Variants in EBF3 observed in about 807,000 individuals in gnomAD.
The protein encoded by EBF3 is EBF transcription factor 3.
Under a neutral mutation model 77.1 loss-of-function variants are expected in EBF3, and 18 were observed. That is an observed-to-expected ratio of 0.23 (90% CI 0.16 to 0.35). The LOEUF (loss-of-function observed/expected upper bound fraction) is 0.35, where lower values mean the gene tolerates loss of function less well. Ranked by LOEUF, EBF3 falls within the 10% of genes least tolerant of loss-of-function variation. The probability of loss-of-function intolerance (pLI) is 1.00; values close to 1 mark genes in which losing one functional copy is unlikely to be tolerated. For missense variants in EBF3, 558 were observed against 860.0 expected, an observed-to-expected ratio of 0.65 and a Z score of 4.39; for synonymous variants, 350 against 343.5, an observed-to-expected ratio of 1.02 and a Z score of -0.21.
chr10:129,901,840 G>A (rs1029357621), intron 6 of EBF3, among the ~76,000 whole-genome samples: 12 of 152,192 alleles, frequency 7.9e-5, no homozygotes, highest in Non-Finnish European at 2.9e-5. Context: ...CGCACAGTTG[G>A]GGACCCTTGA....
rs1181990906 is a variant in EBF3, at chr10:129,841,459, GGTT to G, written c.1373-430_1373-428del. Among the ~76,000 whole-genome samples the G allele has an allele frequency of 6.6e-6, 1 of 152,146 alleles. No homozygotes were observed. Among genetic ancestry groups the G allele is most frequent in the Non-Finnish European group, 1.5e-5 (1 of 68,038 alleles). ...GCTGTTTGGGGGTCTTCATTTGTAT[GGTT>G]GTTATTTCTATACATGGGGGCGTTC... On this transcript the variant is annotated intron_variant, in intron 13 of 16. Coordinates refer to ENST00000440978, the MANE Select transcript of EBF3 (RefSeq NM_001375380.1). The surrounding 1 kb of genome is among the most constrained non-coding windows in gnomAD (Gnocchi z 4.6).
intron 6 of EBF3, among the ~76,000 whole-genome samples, chr10:129,878,061 C>T (rs1852920162): frequency 6.6e-6 from 1 of 152,032 alleles, no homozygotes; most frequent in African/African-American, 2.4e-5. Flanking sequence ...GTTGCATTTG[C>T]CTTGACGCTG....
intron 6 of EBF3, among the ~76,000 whole-genome samples, chr10:129,925,606 AAG>A (rs930719843): frequency 1.3e-5 from 2 of 151,214 alleles, no homozygotes; most frequent in African/African-American, 4.9e-5. Context: ...AAAAAAAAAA[AAG>A]AAAGAAAGAA....
intron 7 of EBF3, among the ~76,000 whole-genome samples, chr10:129,876,510 C>T (rs925607601): frequency 1.3e-5 from 2 of 152,232 alleles, no homozygotes; most frequent in African/African-American, 4.8e-5. Flanking sequence ...TGTGGGCGGG[C>T]CCAAAGAGCC....
At position 129,837,323 on chromosome 10, in the gene EBF3, A is replaced by G. The variant is rs983535106; in HGVS notation, c.*620T>C. On this transcript the variant is annotated 3_prime_UTR_variant, in exon 17 of 17. Transcript: ENST00000440978. ...ACAATTTCTAACTACAATAAGTTAC[A>G]AAGTTTCATTTCATGAAGATGAAGT... 2 of 152,694 alleles carry G rather than the reference A, an allele frequency of 1.3e-5. No homozygotes were observed. Among genetic ancestry groups the G allele is most frequent in the African/African-American group, 4.8e-5 (2 of 41,464 alleles). 9.5% of individuals were successfully genotyped at this position (152,694 alleles called of 1,614,324 possible).
chr10:129,876,594 A>T (rs948863484), intron 7 of EBF3, among the ~76,000 whole-genome samples: 2 of 152,232 alleles, frequency 1.3e-5, no homozygotes, highest in African/African-American at 4.8e-5. Flanking sequence ...CTGAGGCATA[A>T]GTTAAATTTC....
At chr10:129,894,797 G>T (rs919945315) in intron 6 of EBF3, among the ~76,000 whole-genome samples, 5 of 152,210 alleles carry the variant, frequency 3.3e-5, no homozygotes, top group African/African-American at 1.2e-4. Context: ...CAATATCTCA[G>T]CTTCCTCTGA....
At chr10:129,924,340 G>A (rs1049968678) in intron 6 of EBF3, among the ~76,000 whole-genome samples, 3 of 151,716 alleles carry the variant, frequency 2.0e-5, no homozygotes, top group Admixed American at 6.6e-5. Flanking sequence ...ACTTGAACCC[G>A]GGAAGTGGAG....
intron 6 of EBF3, among the ~76,000 whole-genome samples, chr10:129,887,911 T>G (rs1174811222): frequency 6.6e-6 from 1 of 152,176 alleles, no homozygotes; most frequent in Non-Finnish European, 1.5e-5. Context: ...TCCTCATAGA[T>G]GCTCAGTCCC....
intron 10 of EBF3, among the ~76,000 whole-genome samples, chr10:129,855,930 C>T (rs755874991): frequency 1.3e-5 from 2 of 152,180 alleles, no homozygotes; most frequent in African/African-American, 4.8e-5. Flanking sequence ...CAGAGGTAAA[C>T]AGAAAAAGGA....
chr10:129,858,079 C>A (rs942571972), intron 10 of EBF3, among the ~76,000 whole-genome samples: 2 of 152,206 alleles, frequency 1.3e-5, no homozygotes, highest in African/African-American at 4.8e-5. Flanking sequence ...GGCTCGGGCA[C>A]GTGGCAGGTG....
rs146788460 is a variant in EBF3, at chr10:129,865,134, G to A, written c.1039+2007C>T. On this transcript the variant is annotated intron_variant, in intron 10 of 16. Coordinates refer to ENST00000440978, the MANE Select transcript of EBF3 (RefSeq NM_001375380.1). ...GTACACATACCAACAGTTTGCACAGGAGGCATGTGGAAATGTGCACCGTGT... is the reference window on the plus strand; with the variant it reads ...GTACACATACCAACAGTTTGCACAGAAGGCATGTGGAAATGTGCACCGTGT... Among the ~76,000 whole-genome samples the A allele has an allele frequency of 1.8e-3, 276 of 152,306 alleles. 5 individuals are homozygous for A. In the East Asian group the frequency reaches 0.049, roughly 27 times the overall value.
chr10:129,840,551 C>T (rs921032676), intron 14 of EBF3, 109 bp from the exon 15 acceptor site: 8 of 1,267,992 alleles, frequency 6.3e-6, no homozygotes, highest in African/African-American at 4.5e-5. Context: ...GAAAACAAAA[C>T]ATGACATGCG....
At chr10:129,933,490 G>A (rs1302248140) in intron 6 of EBF3, among the ~76,000 whole-genome samples, 1 of 152,206 alleles carries the variant, frequency 6.6e-6, no homozygotes, top group Non-Finnish European at 1.5e-5. Context: ...CATTCGATTA[G>A]AGCTAAAGTG....
chr10:129,955,864 G>T (rs1041259682), intron 6 of EBF3, among the ~76,000 whole-genome samples: 13 of 152,170 alleles, frequency 8.5e-5, no homozygotes, highest in Non-Finnish European at 4.4e-5. Flanking sequence ...AAGCAACTTA[G>T]ACAAGACTCC....
At chr10:129,924,446 C>CAAAAA (rs1433963607) in intron 6 of EBF3, among the ~76,000 whole-genome samples, 1 of 123,398 alleles carries the variant, frequency 8.1e-6, no homozygotes, top group African/African-American at 3.1e-5. Context: ...AAAAAAAAAA[C>CAAAAA]AAAAAACAAA....
intron 6 of EBF3, among the ~76,000 whole-genome samples, chr10:129,937,104 A>G (rs1384707337): frequency 3.3e-5 from 5 of 152,190 alleles, no homozygotes; most frequent in Admixed American, 3.3e-4. Context: ...GAGAATCCCC[A>G]AAAGCTGGAC....
Position 129,924,984 on chromosome 10 carries a change from G to A in EBF3, c.554+32274C>T, listed in dbSNP as rs930399493. ...CGGCCTGAAGAGTCCTTGCACGTCC[G>A]TGTTCACAGCAGCATTACTCACAAC... is the stretch of plus-strand genomic sequence containing the variant. On this transcript the variant is annotated intron_variant, in intron 6 of 16. Coordinates refer to ENST00000440978, the MANE Select transcript of EBF3 (RefSeq NM_001375380.1). Among the ~76,000 whole-genome samples the A allele has an allele frequency of 5.3e-5, 8 of 152,128 alleles. No individual in the cohort carries two copies. In the East Asian group the frequency reaches 7.7e-4, roughly 15 times the overall value.
At chr10:129,899,395 C>T (rs959802381) in intron 6 of EBF3, among the ~76,000 whole-genome samples, 18 of 152,210 alleles carry the variant, frequency 1.2e-4, no homozygotes, top group African/African-American at 4.3e-4. Context: ...AGTTGTTCTC[C>T]TCCAGGCCCC....
Sources: allele counts gnomAD v4.1 joint callset (sites outside exome capture counted in the v4.1 genomes callset), GRCh38; gene constraint gnomAD v4.1.1; non-coding constraint Gnocchi (gnomAD v3.1); transcripts MANE v1.5; gene names NCBI Gene and HGNC (gene_info 2026-07-23, HGNC 2026-07-21).